TBC1D8B: variants seen among roughly 807,000 people sequenced by gnomAD.
TBC1D8B encodes the protein TBC1 domain family member 8B.
TBC1D8B carries 75 observed loss-of-function variants against 82.9 expected under a neutral mutation model. The observed-to-expected ratio is 0.90, with a 90% confidence interval of 0.75 to 1.10. TBC1D8B has a LOEUF of 1.10. Among genes scored for constraint, TBC1D8B ranks in the 50% least tolerant of loss-of-function variants. TBC1D8B has a pLI of 0.00. For synonymous variants in TBC1D8B, 276 were observed against 276.8 expected (o/e 1.00, Z 0.03); for missense variants, 794 against 796.9 (o/e 1.00, Z 0.04).
At chrX:106,866,085 T>A in intron 16 of TBC1D8B, 52 bp downstream of exon 16, 1 of 1,131,687 alleles carries the variant, frequency 8.8e-7, no homozygotes, top group African/African-American at 1.8e-5. Context: ...AAATACTTAG[T>A]ACTGCCTATT....
intron 1 of TBC1D8B, among the ~76,000 whole-genome samples, chrX:106,806,188 T>C (rs181620124): frequency 2.0e-4 from 23 of 112,339 alleles, no homozygotes; most frequent in African/African-American, 7.4e-4. Flanking sequence ...TTTTAAATTG[T>C]TGAAACACTT....
rs1018828684 is a variant in TBC1D8B at position 106,802,976 on chromosome X, G to T, written c.123G>T (p.Gly41=). ...RRGYGEEGGG[G]LTGLLVGTLD... ...GCTACGGGGAGGAAGGCGGAGGGGG[G>T]CTCACAGGTAAGCTGTGGCCACCCT... Residue 41 remains glycine (G), a synonymous_variant, in exon 1 of 21, where the codon GGG becomes GGT. Coordinates refer to ENST00000357242, the MANE Select transcript of TBC1D8B (RefSeq NM_017752.3). The T allele has an allele frequency of 5.8e-6, 7 of 1,202,460 alleles. No individual in the cohort carries two copies. The highest frequency in any genetic ancestry group is 7.8e-6 in the Non-Finnish European group (7 of 892,208).
At position 106,840,781 on chromosome X, in the gene TBC1D8B, C is replaced by T. The variant is rs146079986; in HGVS notation, c.1616C>T (p.Ser539Phe). The change falls in exon 10 of 21, where the codon TCT (serine) becomes TTT (phenylalanine). Residue 539 changes from serine to phenylalanine, a missense_variant. Physicochemically the swap from Ser to Phe is radical, Grantham distance 155. Transcript: ENST00000357242. The part of the protein sequence containing the change: ...TEEIERDLRR[S>F]LPEHPAFQSD... ...GAAATTGAACGTGATTTACGTCGCT[C>T]TCTGCCTGAGCACCCAGCCTTTCAG... 2 of 1,211,265 alleles carry T rather than the reference C, an allele frequency of 1.7e-6. No individual in the cohort carries two copies. Among genetic ancestry groups the T allele is most frequent in the Non-Finnish European group, 1.1e-6 (1 of 895,253 alleles).
chrX:106,858,495 A>G (rs890491756), intron 14 of TBC1D8B, among the ~76,000 whole-genome samples: 1 of 111,707 alleles, frequency 9.0e-6, no homozygotes, highest in East Asian at 2.8e-4. Context: ...GATGGTCTCA[A>G]TCTCCTGACC....
At chrX:106,867,456 G>A (rs779065597) in intron 17 of TBC1D8B, among the ~76,000 whole-genome samples, 2 of 111,392 alleles carry the variant, frequency 1.8e-5, no homozygotes, top group African/African-American at 3.3e-5. Context: ...AGATCACATC[G>A]CTAATAAATT....
chrX:106,858,505 C>A (rs760605229), intron 14 of TBC1D8B, among the ~76,000 whole-genome samples: 2 of 112,280 alleles, frequency 1.8e-5, no homozygotes, highest in Non-Finnish European at 3.8e-5. Context: ...ATCTCCTGAC[C>A]TTGTGATCCA....
chrX:106,853,618 G>A lies in TBC1D8B; in HGVS notation c.2221G>A (p.Asp741Asn), dbSNP rs1569454847. ...SDEKTSHTRVDITDLIRESNE... is the reference protein window; with the variant it reads ...SDEKTSHTRVNITDLIRESNE... ...TGAAAAAACCAGTCATACTAGAGTGGATATTACAGATTTGATTAGAGAATC... is the reference window on the plus strand; with the variant it reads ...TGAAAAAACCAGTCATACTAGAGTGAATATTACAGATTTGATTAGAGAATC... The change falls in exon 13 of 21, where the codon GAT (aspartate) becomes AAT (asparagine). Residue 741 changes from aspartate (D) to asparagine (N), a missense_variant. Asp to Asn is a conservative substitution (Grantham distance 23). Coordinates refer to ENST00000357242, the MANE Select transcript of TBC1D8B (RefSeq NM_017752.3). 8.3e-7 allele frequency: 1 copy of A among 1,208,006 alleles called. No homozygotes were observed. The highest frequency in any genetic ancestry group is 1.7e-5 in the African/African-American group (1 of 57,666).
At chrX:106,854,756 C>A (rs1233055930) in intron 14 of TBC1D8B, among the ~76,000 whole-genome samples, 3 of 110,872 alleles carry the variant, frequency 2.7e-5, no homozygotes, top group African/African-American at 9.9e-5. Flanking sequence ...CTCAAGAGAT[C>A]CTCCTTGCCT....
intron 5 of TBC1D8B, among the ~76,000 whole-genome samples, chrX:106,823,999 T>G (rs1426213364): frequency 3.6e-5 from 4 of 111,464 alleles, no homozygotes; most frequent in African/African-American, 1.3e-4. Context: ...AGGGCACTTA[T>G]GAGGAATGGG....
chrX:106,864,137 C>T (rs950422239), intron 14 of TBC1D8B, among the ~76,000 whole-genome samples: 2 of 111,390 alleles, frequency 1.8e-5, no homozygotes, highest in African/African-American at 3.3e-5. Context: ...AGAGTTGCCT[C>T]TGCAAACCGT....
At chrX:106,834,333 A>G (rs1932117151) in intron 7 of TBC1D8B, among the ~76,000 whole-genome samples, 1 of 111,159 alleles carries the variant, frequency 9.0e-6, no homozygotes, top group African/African-American at 3.3e-5. Context: ...CTCACTCACT[A>G]TCATGAGAAC....
chrX:106,861,004 T>C (rs1270455142), intron 14 of TBC1D8B, among the ~76,000 whole-genome samples: 3 of 111,917 alleles, frequency 2.7e-5, no homozygotes, highest in Non-Finnish European at 5.6e-5. Context: ...CAGGAGCAGA[T>C]TGTTTAATTT....
chrX:106,846,097 T>G (rs202197134), intron 10 of TBC1D8B, among the ~76,000 whole-genome samples: 2 of 80,108 alleles, frequency 2.5e-5, no homozygotes, highest in East Asian at 7.4e-4. Flanking sequence ...CTCTCTCTCT[T>G]TTTTTTTTTT....
rs780495067 is a variant in TBC1D8B at position 106,818,649 on chromosome X, T to G, written c.131-14T>G. ...TGTAAAGTCCTTATTTCAACAATCT[T>G]TCTATTACAACAGGGCTTCTGGTTG... On this transcript the variant is annotated splice_polypyrimidine_tract_variant and intron_variant, in intron 1 of 20. Coordinates refer to ENST00000357242, the MANE Select transcript of TBC1D8B (RefSeq NM_017752.3). 2 of 1,157,985 alleles carry G rather than the reference T, an allele frequency of 1.7e-6. No individual in the cohort carries two copies. The highest frequency in any genetic ancestry group is 2.3e-5 in the Admixed American group (1 of 43,141).
intron 14 of TBC1D8B, among the ~76,000 whole-genome samples, chrX:106,854,812 A>G (rs915164092): frequency 1.8e-5 from 2 of 111,782 alleles, no homozygotes; most frequent in Admixed American, 1.9e-4. Context: ...TACCACACCT[A>G]GCCTGCAGCT....
chrX:106,862,776 GTT>G (rs1181091591), intron 14 of TBC1D8B, among the ~76,000 whole-genome samples: 27 of 37,291 alleles, frequency 7.2e-4, no homozygotes, highest in African/African-American at 3.0e-3. Flanking sequence ...GTTTTTTTTT[GTT>G]TTTTTTTTTT....
chrX:106,862,488 T>C (rs1932782517), intron 14 of TBC1D8B, among the ~76,000 whole-genome samples: 1 of 111,619 alleles, frequency 9.0e-6, no homozygotes, highest in African/African-American at 3.3e-5. Context: ...GTCTTTCACC[T>C]CTTGTATCCT....
At chrX:106,858,593 C>T (rs1159288544) in intron 14 of TBC1D8B, among the ~76,000 whole-genome samples, 1 of 112,190 alleles carries the variant, frequency 8.9e-6, no homozygotes, top group African/African-American at 3.2e-5. Context: ...TTTTTAACTT[C>T]CTATGGATTC....
intron 6 of TBC1D8B, among the ~76,000 whole-genome samples, chrX:106,826,470 T>C (rs1000310372): frequency 9.1e-6 from 1 of 110,280 alleles, no homozygotes; most frequent in East Asian, 2.9e-4. Flanking sequence ...ATGTGCACAA[T>C]GTGCAGGTTA....
Sources: gnomAD v4.1 joint callset for allele counts (sites outside exome capture counted in the v4.1 genomes callset) on GRCh38, gnomAD v4.1.1 for gene constraint, MANE v1.5 for transcripts, NCBI Gene and HGNC (gene_info 2026-07-23, HGNC 2026-07-21) for gene names.